OR51E1: variants seen among roughly 807,000 people sequenced by gnomAD.
OR51E1 encodes olfactory receptor 51E1.
In OR51E1, 9 loss-of-function variants were observed where a neutral mutation model predicts 11.5. The ratio of observed to expected loss-of-function variants is 0.78; its 90% confidence interval spans 0.47 to 1.37. The LOEUF is 1.37. OR51E1 is among the 40% of genes most tolerant of loss of function. OR51E1 has a pLI of 0.00. For missense variants in OR51E1, 397 were observed against 410.2 expected (o/e 0.97, Z 0.28); for synonymous variants, 168 against 158.3 (o/e 1.06, Z -0.46).
In OR51E1 at chr11:4,653,478, C is replaced by A. The variant is rs748799065; in HGVS notation, c.952C>A (p.Pro318Thr). ...CCATGTGGCCACACACGCTTCAGAG[C>A]CCTAGGTGTCAGTGATCAAACTTCT... is the stretch of plus-strand genomic sequence containing the variant. ...LFHVATHASE[P>T] The change falls in exon 2 of 2, where the codon CCC (proline) becomes ACC (threonine). Residue 318 changes from proline to threonine, a missense_variant. Physicochemically the swap from Pro to Thr is conservative, Grantham distance 38. Transcript: ENST00000396952. 2.5e-6 allele frequency: 4 copies of A among 1,571,782 alleles called. No individual in the cohort carries two copies. Among genetic ancestry groups the A allele is most frequent in the South Asian group, 2.3e-5 (2 of 88,568 alleles).
chr11:4,646,089 T>G (rs1847027435), intron 1 of OR51E1, among the ~76,000 whole-genome samples: 1 of 152,206 alleles, frequency 6.6e-6, no homozygotes, highest in Non-Finnish European at 1.5e-5. Context: ...CCCTGAGGTC[T>G]GCCTTCCCTC....
At position 4,654,396 on chromosome 11, in the gene OR51E1, T is replaced by G. The variant is rs1359920343; in HGVS notation, c.*913T>G. The G allele has an allele frequency of 1.8e-5, 3 of 167,112 alleles. No individual in the cohort carries two copies. The highest frequency in any genetic ancestry group is 4.8e-5 in the African/African-American group (2 of 41,466). 10.4% of individuals were successfully genotyped at this position (167,112 alleles called of 1,614,324 possible). On this transcript the variant is annotated 3_prime_UTR_variant, in exon 2 of 2. Transcript: ENST00000396952. ...TTTCCTGGCAACAGAACTCATGGCT[T>G]TAATCCCACTAGCTATTGCTTATTG...
In OR51E1 at chr11:4,654,887, A is replaced by C. The variant is rs1234703193; in HGVS notation, c.*1404A>C. The C allele has an allele frequency of 6.0e-6, 1 of 167,104 alleles. No individual in the cohort carries two copies. Among genetic ancestry groups the C allele is most frequent in the African/African-American group, 2.4e-5 (1 of 41,472 alleles). The allele number at this position is 167,104 out of a possible 1,614,324, so 10.4% of individuals were successfully genotyped here. A position where few individuals can be genotyped will look rare whatever the true frequency, so the allele number is the denominator to read the frequency against. The stretch of plus-strand genomic sequence containing the variant: ...AAAACATGTGATCATATATGTGGTA[A>C]GTTTCATTTTCTTTTTCAATCCTCA... On this transcript the variant is annotated 3_prime_UTR_variant, in exon 2 of 2. Transcript: ENST00000396952.
At position 4,650,623 on chromosome 11, in the gene OR51E1, C is replaced by G. The variant is rs186527553; in HGVS notation, c.-39-1865C>G. Among the ~76,000 whole-genome samples, 240 of 152,192 alleles carry G rather than the reference C, an allele frequency of 1.6e-3. 1 individual carries two copies. Among genetic ancestry groups the G allele is most frequent in the African/African-American group, 5.6e-3 (232 of 41,512 alleles). On this transcript the variant is annotated intron_variant, in intron 1 of 1. Transcript: ENST00000396952. ...GCTGGTACAAAGATTTGTGACACACCCTGAGCCCATGGGACCTCTTCTGAT... is the reference window on the plus strand; with the variant it reads ...GCTGGTACAAAGATTTGTGACACACGCTGAGCCCATGGGACCTCTTCTGAT...
rs375308697 is a variant in OR51E1 at position 4,653,174 on chromosome 11, C to T, written c.648C>T (p.Leu216=). 6.2e-7 allele frequency: 1 copy of T among 1,614,056 alleles called. No homozygotes were observed. Among genetic ancestry groups the T allele is most frequent in the African/African-American group, 1.3e-5 (1 of 75,030 alleles). The part of the protein sequence containing the change: ...IISAIGLDSL[L]ISFSYLLILK... The stretch of plus-strand genomic sequence containing the variant: ...CCGCCATTGGCCTGGACTCACTTCT[C>T]ATCTCCTTCTCATATCTGCTTATTC... The change falls in exon 2 of 2, where the codon CTC becomes CTT. Residue 216 remains leucine (L), a synonymous_variant. Transcript: ENST00000396952.
intron 1 of OR51E1, among the ~76,000 whole-genome samples, chr11:4,651,368 G>C (rs2133226730): frequency 6.6e-6 from 1 of 152,308 alleles, no homozygotes; most frequent in East Asian, 1.9e-4. Flanking sequence ...AGGGAATCCT[G>C]GTAGGGCAGG....
chr11:4,647,855 C>T (rs949486915), intron 1 of OR51E1, among the ~76,000 whole-genome samples: 1 of 151,422 alleles, frequency 6.6e-6, no homozygotes, highest in African/African-American at 2.4e-5. Flanking sequence ...AAAAAAAATG[C>T]TTTGTTAGTT....
chr11:4,653,437 G>A lies in OR51E1; in HGVS notation c.911G>A (p.Arg304His), dbSNP rs534822783. The A allele has an allele frequency of 2.1e-5, 34 of 1,613,794 alleles. No homozygotes were observed. The highest frequency in any genetic ancestry group is 1.7e-4 in the Middle Eastern group (1 of 6,060). ...GTGAAGACAAAGGAGATTCGACAGC[G>A]CATCCTTCGACTTTTCCATGTGGCC... ...YGVKTKEIRQRILRLFHVATH... is the reference protein window; with the variant it reads ...YGVKTKEIRQHILRLFHVATH... The change falls in exon 2 of 2, where the codon CGC (arginine) becomes CAC (histidine). Residue 304 changes from arginine to histidine, a missense_variant. By Grantham distance (29) the Arg-to-His change is conservative. Transcript: ENST00000396952.
At position 4,645,492 on chromosome 11, in the gene OR51E1, A is replaced by G. The variant is rs747765800; in HGVS notation, c.-40+1462A>G. 2.6e-4 allele frequency among the ~76,000 whole-genome samples: 39 copies of G among 152,014 alleles called. 1 individual carries two copies. Among genetic ancestry groups the G allele is most frequent in the Non-Finnish European group, 1.2e-4 (8 of 68,022 alleles). On this transcript the variant is annotated intron_variant, in intron 1 of 1. Transcript: ENST00000396952. Reference sequence around the variant, plus strand: ...TCATAATGTGCTGTGATGGCTGCATATTTGTCTCAATTTCTCCCCATCCTT... The same window carrying G: ...TCATAATGTGCTGTGATGGCTGCATGTTTGTCTCAATTTCTCCCCATCCTT...
rs1847131151 is a variant in OR51E1 at position 4,653,438 on chromosome 11, C to T, written c.912C>T (p.Arg304=). The T allele has an allele frequency of 1.9e-6, 3 of 1,613,750 alleles. No individual in the cohort carries two copies. In the African/African-American group the frequency reaches 4.0e-5, roughly 22 times the overall value. The change falls in exon 2 of 2, where the codon CGC becomes CGT. Residue 304 remains arginine, a synonymous_variant. Coordinates refer to ENST00000396952, the MANE Select transcript of OR51E1 (RefSeq NM_152430.4). ...YGVKTKEIRQ[R]ILRLFHVATH... is the part of the protein sequence containing the mutation. ...TGAAGACAAAGGAGATTCGACAGCGCATCCTTCGACTTTTCCATGTGGCCA... is the reference window on the plus strand; with the variant it reads ...TGAAGACAAAGGAGATTCGACAGCGTATCCTTCGACTTTTCCATGTGGCCA...
intron 1 of OR51E1, among the ~76,000 whole-genome samples, chr11:4,647,284 G>C (rs1486667384): frequency 6.6e-6 from 1 of 152,212 alleles, no homozygotes. Flanking sequence ...GGTCAGAAGA[G>C]ATAGGGCTAA....
chr11:4,646,019 G>C (rs781752165), intron 1 of OR51E1, among the ~76,000 whole-genome samples: 1 of 152,182 alleles, frequency 6.6e-6, no homozygotes, highest in Non-Finnish European at 1.5e-5. Context: ...TGTTAGGGAA[G>C]GGACTCTATT....
intron 1 of OR51E1, among the ~76,000 whole-genome samples, chr11:4,651,071 C>G (rs1847090881): frequency 1.3e-5 from 2 of 152,164 alleles, no homozygotes; most frequent in South Asian, 2.1e-4. Flanking sequence ...AATCAGTTCA[C>G]TCTTAACAGA....
rs1847129658 is a variant in OR51E1, at chr11:4,653,355, A to C, written c.829A>C (p.Ile277Leu). The change falls in exon 2 of 2, where the codon ATC becomes CTC. Residue 277 changes from isoleucine (I) to leucine (L), a missense_variant. Transcript: ENST00000396952. ...GCGGCGTGACTCTCCGCTGCCCGTC[A>C]TCTTGGCCAATATCTATCTGCTGGT... Reference protein sequence around the residue: ...SKRRDSPLPVILANIYLLVPP... With the variant: ...SKRRDSPLPVLLANIYLLVPP... 4 of 1,614,036 alleles carry C rather than the reference A, an allele frequency of 2.5e-6. No homozygotes were observed. Among genetic ancestry groups the C allele is most frequent in the African/African-American group, 1.3e-5 (1 of 75,008 alleles).
At chr11:4,645,119 C>CTCTG (rs5789336) in intron 1 of OR51E1, among the ~76,000 whole-genome samples, 66,110 of 151,826 alleles carry the variant, frequency 0.44, 15,599 homozygotes, top group Middle Eastern at 0.54. Context: ...TGTCCTATCA[C>CTCTG]TCTTTCTTTC....
rs753972702 is a variant in OR51E1, at chr11:4,655,459, T to C, written c.*1976T>C. 9.5e-4 allele frequency: 156 copies of C among 164,948 alleles called. No individual in the cohort carries two copies. Among genetic ancestry groups the C allele is most frequent in the Non-Finnish European group, 1.2e-4 (8 of 68,102 alleles). The allele number at this position is 164,948 out of a possible 1,614,324, so 10.2% of individuals were successfully genotyped here. A position where few individuals can be genotyped will look rare whatever the true frequency, so the allele number is the denominator to read the frequency against. ...ACGAGGCAGTTGGATAAGTGAAAAA[T>C]AAAGTACTATTGTGTCAAGTCTCTG... On this transcript the variant is annotated 3_prime_UTR_variant, in exon 2 of 2. Transcript: ENST00000396952.
intron 1 of OR51E1, among the ~76,000 whole-genome samples, chr11:4,652,196 A>G (rs1438805790): frequency 3.3e-5 from 5 of 152,210 alleles, no homozygotes; most frequent in Admixed American, 6.5e-5. Flanking sequence ...TTCAGCCAGT[A>G]GCCTTTCTTT....
At chr11:4,652,376 G>A (rs1223254318) in intron 1 of OR51E1, 112 bp from the exon 2 acceptor site, 2 of 608,646 alleles carry the variant, frequency 3.3e-6, no homozygotes, top group African/African-American at 3.7e-5. Flanking sequence ...ATTAGAATTT[G>A]CATAAGGAAT....
chr11:4,649,584 C>T (rs1847069573), intron 1 of OR51E1, among the ~76,000 whole-genome samples: 1 of 152,066 alleles, frequency 6.6e-6, no homozygotes, highest in African/African-American at 2.4e-5. Flanking sequence ...ATTCTAGAAT[C>T]AATTTGGAGT....
Sources: gnomAD v4.1 joint callset for allele counts (sites outside exome capture counted in the v4.1 genomes callset) on GRCh38, gnomAD v4.1.1 for gene constraint, MANE v1.5 for transcripts, NCBI Gene and HGNC (gene_info 2026-07-23, HGNC 2026-07-21) for gene names.